UXS1: variants seen among roughly 807,000 people sequenced by gnomAD.
UXS1 encodes UDP-glucuronate decarboxylase 1.
In UXS1, 33 loss-of-function variants were observed where a neutral mutation model predicts 62.6. The observed-to-expected ratio is 0.53, with a 90% confidence interval of 0.40 to 0.70. The LOEUF is 0.70. Ranked by LOEUF, UXS1 falls within the 30% of genes least tolerant of loss-of-function variation. The pLI, the probability that UXS1 is intolerant of heterozygous loss-of-function variation, is 0.00. For synonymous variants in UXS1, 213 were observed against 206.8 expected, an observed-to-expected ratio of 1.03 and a Z score of -0.26; for missense variants, 434 against 556.3, an observed-to-expected ratio of 0.78 and a Z score of 2.21.
intron 5 of UXS1, among the ~76,000 whole-genome samples, chr2:106,151,761 T>C (rs1254998519): frequency 1.3e-5 from 2 of 152,252 alleles, no homozygotes; most frequent in African/African-American, 2.4e-5. Flanking sequence ...TGCATATACC[T>C]TTTTGATGCA....
At position 106,163,667 on chromosome 2, in the gene UXS1, C is replaced by CT; in HGVS notation, c.229dup (p.Ser77LysfsTer35). ...ACTTTAAGACAAAAAGTACACATAC[C>CT]TTTTTTCTAAATCTCTGATTTTCTC... On this transcript the variant is annotated frameshift_variant and splice_region_variant, in exon 4 of 15. Transcript: ENST00000283148. LOFTEE classifies it high-confidence loss of function. 2 of 1,462,664 alleles carry CT rather than the reference C, an allele frequency of 1.4e-6. No homozygotes were observed. Among genetic ancestry groups the CT allele is most frequent in the Non-Finnish European group, 9.1e-7 (1 of 1,101,614 alleles). 90.6% of individuals were successfully genotyped at this position (1,462,664 alleles called of 1,614,324 possible). A position where few individuals can be genotyped will look rare whatever the true frequency, so the allele number is the denominator to read the frequency against.
At chr2:106,192,134 G>A (rs181309098) in intron 1 of UXS1, among the ~76,000 whole-genome samples, 3 of 152,338 alleles carry the variant, frequency 2.0e-5, no homozygotes, top group Admixed American at 6.5e-5. Context: ...ACACTATGTG[G>A]TATAGGGTCT....
At position 106,192,292 on chromosome 2, in the gene UXS1, C is replaced by T. The variant is rs541954160; in HGVS notation, c.94+1856G>A. Among the ~76,000 whole-genome samples the T allele has an allele frequency of 3.9e-5, 6 of 152,354 alleles. No homozygotes were observed. In the South Asian group the frequency reaches 8.3e-4, roughly 21 times the overall value. ...CTTTCCTGCTGGGAGCGGTGGCTTA[C>T]GCCTGTAATCCCAGCACTTTGGGAG... On this transcript the variant is annotated intron_variant, in intron 1 of 14. Transcript: ENST00000283148.
chr2:106,162,120 C>T (rs1173817970), intron 4 of UXS1, among the ~76,000 whole-genome samples: 1 of 152,114 alleles, frequency 6.6e-6, no homozygotes, highest in Non-Finnish European at 1.5e-5. Flanking sequence ...AATGCAGGCA[C>T]GCGGATCACC....
intron 6 of UXS1, among the ~76,000 whole-genome samples, chr2:106,139,061 C>T (rs961123986): frequency 2.6e-5 from 4 of 151,962 alleles, no homozygotes; most frequent in African/African-American, 9.7e-5. Flanking sequence ...AAGGTTAACC[C>T]TCACAGCCCA....
intron 5 of UXS1, among the ~76,000 whole-genome samples, chr2:106,147,183 C>T (rs1416928921): frequency 6.6e-6 from 1 of 151,782 alleles, no homozygotes; most frequent in Non-Finnish European, 1.5e-5. Flanking sequence ...GAGTGGGCCC[C>T]CTCTTGGCCA....
chr2:106,141,582 T>G (rs1350179354), intron 6 of UXS1, among the ~76,000 whole-genome samples: 1 of 151,896 alleles, frequency 6.6e-6, no homozygotes, highest in African/African-American at 2.4e-5. Flanking sequence ...CTCAGCCTCC[T>G]GGGTAGCTGG....
chr2:106,183,243 A>T lies in UXS1; in HGVS notation c.94+10905T>A, dbSNP rs867068150. ...AGCTGCCTGCTCAAGTCTTTTTTAAAAAAAAAAAAAAAAAAAAGCAAGGTC... is the reference window on the plus strand; with the variant it reads ...AGCTGCCTGCTCAAGTCTTTTTTAATAAAAAAAAAAAAAAAAAGCAAGGTC... On this transcript the variant is annotated intron_variant, in intron 1 of 14. Transcript: ENST00000283148. Among the ~76,000 whole-genome samples the T allele has an allele frequency of 8.2e-3, 1,054 of 128,344 alleles. 10 individuals carry two copies. Among genetic ancestry groups the T allele is most frequent in the Middle Eastern group, 0.02 (5 of 246 alleles). The allele number at this position is 128,344 out of a possible 152,430, so 84.2% of individuals were successfully genotyped here. A position where few individuals can be genotyped will look rare whatever the true frequency, so the allele number is the denominator to read the frequency against.
chr2:106,178,723 T>C (rs1431065324), intron 1 of UXS1, among the ~76,000 whole-genome samples: 2 of 152,032 alleles, frequency 1.3e-5, no homozygotes, highest in East Asian at 1.9e-4. Flanking sequence ...TGCCCCACCC[T>C]AGTGGATGCC....
chr2:106,129,580 G>A (rs1573469945), intron 7 of UXS1, 94 bp downstream of exon 7: 1 of 1,086,634 alleles, frequency 9.2e-7, no homozygotes, highest in East Asian at 2.6e-5. Flanking sequence ...AACACACTCA[G>A]ATCAAACTCT....
intron 10 of UXS1, among the ~76,000 whole-genome samples, chr2:106,106,223 G>A (rs749953412): frequency 1.3e-5 from 2 of 152,118 alleles, no homozygotes; most frequent in African/African-American, 2.4e-5. Context: ...AATTAGCTGG[G>A]TGTGGTGGTG....
chr2:106,137,209 A>T (rs991569163), intron 6 of UXS1, among the ~76,000 whole-genome samples: 5 of 152,196 alleles, frequency 3.3e-5, no homozygotes, highest in African/African-American at 1.2e-4. Flanking sequence ...AACAGCTAAA[A>T]ATAAAAGACA....
intron 5 of UXS1, among the ~76,000 whole-genome samples, chr2:106,150,246 A>T (rs957679550): frequency 3.9e-5 from 6 of 152,186 alleles, no homozygotes; most frequent in Admixed American, 6.5e-5. Context: ...AACAAAAAAA[A>T]TTTTTTAAGT....
chr2:106,094,028 A>C lies in UXS1; in HGVS notation c.1276T>G (p.Ter426GlyextTer5). 6.2e-7 allele frequency: 1 copy of C among 1,611,070 alleles called. No individual in the cohort carries two copies. The highest frequency in any genetic ancestry group is 8.5e-7 in the Non-Finnish European group (1 of 1,179,150). ...RIKKGRTRHS[*>G] ...CTTGTGTCCTAAAAGTGAGGAGTTCAGCTGTGGCGAGTCCGTCCTTTCTTT... is the reference window on the plus strand; with the variant it reads ...CTTGTGTCCTAAAAGTGAGGAGTTCCGCTGTGGCGAGTCCGTCCTTTCTTT... Residue 426 changes from the stop codon to glycine (G), a stop_lost, in exon 15 of 15, where the codon TGA (stop) becomes GGA (glycine). Transcript: ENST00000283148.
chr2:106,099,609 T>C (rs991824542), intron 12 of UXS1, among the ~76,000 whole-genome samples: 2 of 152,126 alleles, frequency 1.3e-5, no homozygotes, highest in African/African-American at 4.8e-5. Flanking sequence ...ATTTTAGGAA[T>C]TGTCCCTGTG....
At chr2:106,192,586 A>G (rs1209929774) in intron 1 of UXS1, among the ~76,000 whole-genome samples, 3 of 151,440 alleles carry the variant, frequency 2.0e-5, no homozygotes, top group South Asian at 2.1e-4. Flanking sequence ...CCATGGCTCC[A>G]TAAATCCCCT....
intron 1 of UXS1, among the ~76,000 whole-genome samples, chr2:106,186,768 A>C (rs968217223): frequency 1.8e-4 from 27 of 152,160 alleles, no homozygotes; most frequent in African/African-American, 6.5e-4. Flanking sequence ...CAGTGAACTA[A>C]GATCATGCCA....
At chr2:106,178,348 G>T (rs1247305549) in intron 1 of UXS1, among the ~76,000 whole-genome samples, 1 of 152,140 alleles carries the variant, frequency 6.6e-6, no homozygotes, top group Non-Finnish European at 1.5e-5. Context: ...TCAGTGTTGA[G>T]CATGCACCCC....
intron 5 of UXS1, among the ~76,000 whole-genome samples, chr2:106,146,427 G>A (rs565778281): frequency 8.5e-5 from 13 of 152,306 alleles, no homozygotes; most frequent in South Asian, 4.1e-4. Flanking sequence ...TGAAACTCCT[G>A]TTTAAAATAA....
Sources: gnomAD v4.1 joint callset for allele counts (sites outside exome capture counted in the v4.1 genomes callset) on GRCh38, gnomAD v4.1.1 for gene constraint, MANE v1.5 for transcripts, NCBI Gene and HGNC (gene_info 2026-07-23, HGNC 2026-07-21) for gene names.